Variants in PCDH15 observed in about 807,000 individuals in gnomAD.
The protein encoded by PCDH15 is protocadherin-15.
Under a neutral mutation model 178.5 loss-of-function variants are expected in PCDH15, and 129 were observed. The observed-to-expected ratio is 0.72, with a 90% CI of 0.63 to 0.84. PCDH15 has a LOEUF of 0.84. PCDH15 is among the 40% of genes least tolerant of loss of function. PCDH15 has a pLI of 0.00. For synonymous variants in PCDH15, 800 were observed against 732.0 expected (o/e 1.09, Z -1.50); for missense variants, 2,230 against 2,099.9 (o/e 1.06, Z -1.21).
intron 15 of PCDH15, among the ~76,000 whole-genome samples, chr10:54,094,255 C>T (rs1348028954): frequency 1.3e-5 from 2 of 152,192 alleles, no homozygotes; most frequent in African/African-American, 2.4e-5. Flanking sequence ...ATACAATTTA[C>T]ATGGTAGTGG....
At chr10:53,971,057 A>T (rs2089629861) in intron 21 of PCDH15, among the ~76,000 whole-genome samples, 1 of 152,180 alleles carries the variant, frequency 6.6e-6, no homozygotes, top group South Asian at 2.1e-4. Context: ...TGGAAAACCA[A>T]ATCCAGCAGC....
chr10:54,073,136 T>A (rs2094278137), intron 17 of PCDH15, among the ~76,000 whole-genome samples: 1 of 151,440 alleles, frequency 6.6e-6, no homozygotes, highest in Non-Finnish European at 1.5e-5. Context: ...TGTATGTGTG[T>A]ATGTATGTAT....
At chr10:54,295,721 A>G (rs891728776) in intron 8 of PCDH15, among the ~76,000 whole-genome samples, 7 of 152,216 alleles carry the variant, frequency 4.6e-5, no homozygotes, top group African/African-American at 1.7e-4. Flanking sequence ...AACAAATTCC[A>G]GACACATTTG....
intron 1 of PCDH15, among the ~76,000 whole-genome samples, chr10:54,795,864 A>G (rs1020754536): frequency 3.3e-5 from 5 of 151,942 alleles, no homozygotes; most frequent in African/African-American, 9.7e-5. Flanking sequence ...CTAAATAATT[A>G]TGTTGATGTC....
intron 2 of PCDH15, among the ~76,000 whole-genome samples, chr10:55,478,445 G>T (rs769395110): frequency 1.2e-4 from 18 of 151,550 alleles, no homozygotes; most frequent in Non-Finnish European, 2.2e-4. Flanking sequence ...TTCCTGAGAT[G>T]AATGAAAATG....
At chr10:54,000,915 GATAA>G (rs2092102370) in intron 20 of PCDH15, among the ~76,000 whole-genome samples, 1 of 152,032 alleles carries the variant, frequency 6.6e-6, no homozygotes, top group African/African-American at 2.4e-5. Context: ...AAAGGTCAAG[GATAA>G]ATAAAGGATC....
intron 25 of PCDH15, among the ~76,000 whole-genome samples, chr10:53,931,096 A>G (rs2085021245): frequency 6.6e-6 from 1 of 152,188 alleles, no homozygotes; most frequent in South Asian, 2.1e-4. Flanking sequence ...TGAAAAATCA[A>G]CACCTAATTT....
chr10:54,196,753 A>G (rs1234410066), intron 10 of PCDH15, among the ~76,000 whole-genome samples: 1 of 152,158 alleles, frequency 6.6e-6, no homozygotes, highest in Non-Finnish European at 1.5e-5. Flanking sequence ...TGGTGAGGGC[A>G]GAGCCCTCAT....
At chr10:54,399,080 C>T (rs372785496) in intron 3 of PCDH15, among the ~76,000 whole-genome samples, 1 of 152,012 alleles carries the variant, frequency 6.6e-6, no homozygotes, top group Non-Finnish European at 1.5e-5. Context: ...CTGATTTTCT[C>T]AACAACTCTC....
chr10:55,331,477 G>C (rs772960672), intron 2 of PCDH15, among the ~76,000 whole-genome samples: 13 of 151,974 alleles, frequency 8.6e-5, no homozygotes, highest in Non-Finnish European at 1.5e-4. Context: ...ATCTGTCCAA[G>C]AACCAAGATA....
intron 2 of PCDH15, among the ~76,000 whole-genome samples, chr10:54,897,807 C>A (rs776124912): frequency 6.6e-6 from 1 of 152,030 alleles, no homozygotes; most frequent in Non-Finnish European, 1.5e-5. Context: ...ATTTCACAAG[C>A]AATATGGAAA....
intron 9 of PCDH15, among the ~76,000 whole-genome samples, chr10:54,215,842 C>T (rs1010159704): frequency 1.3e-5 from 2 of 150,556 alleles, no homozygotes; most frequent in Admixed American, 6.6e-5. Flanking sequence ...GAGATCCAGA[C>T]CATCTTGCCT....
rs147236985 is a variant in PCDH15 at position 54,481,941 on chromosome 10, A to G, written c.157+45871T>C. On this transcript the variant is annotated intron_variant, in intron 3 of 37. Coordinates refer to ENST00000644397, the MANE Select transcript of PCDH15 (RefSeq NM_001384140.1). ...TCAGAGCTCCATCAAGTAAAATTCA[A>G]TGTTAATACAGAGGTAAGTGTTAAC... Among the ~76,000 whole-genome samples, 56 of 151,994 alleles carry G rather than the reference A, an allele frequency of 3.7e-4. 1 individual carries two copies. The East Asian group carries it at 7.7e-3, about 21-fold the overall frequency.
intron 12 of PCDH15, 44 bp downstream of exon 12, chr10:54,185,090 T>G (rs776913261): frequency 6.2e-7 from 1 of 1,600,644 alleles, no homozygotes; most frequent in Non-Finnish European, 8.6e-7. Flanking sequence ...CATACATACA[T>G]ACATTCATAC....
chr10:54,611,271 T>A (rs1229240030), intron 2 of PCDH15, among the ~76,000 whole-genome samples: 1 of 151,838 alleles, frequency 6.6e-6, no homozygotes, highest in Non-Finnish European at 1.5e-5. Context: ...TCAGTAATAT[T>A]GATGTTTTTA....
At chr10:54,135,523 G>A (rs2042832023) in intron 14 of PCDH15, among the ~76,000 whole-genome samples, 1 of 152,196 alleles carries the variant, frequency 6.6e-6, no homozygotes, top group African/African-American at 2.4e-5. Context: ...TCGTCATTCT[G>A]AGGTAGACCT....
chr10:55,060,425 T>C lies in PCDH15; in HGVS notation c.-80+106151A>G, dbSNP rs114902965. Among the ~76,000 whole-genome samples, 280 of 152,230 alleles carry C rather than the reference T, an allele frequency of 1.8e-3. 2 individuals are homozygous for C. Among genetic ancestry groups the C allele is most frequent in the African/African-American group, 6.4e-3 (268 of 41,576 alleles). On this transcript the variant is annotated intron_variant, in intron 2 of 5. Coordinates refer to the PCDH15 transcript ENST00000458638. Reference sequence around the variant, plus strand: ...TGCATAACCAAGTGCAATGCCTTAGTTTCCACATCTCTAAATTGAAAGGAA... The same window carrying C: ...TGCATAACCAAGTGCAATGCCTTAGCTTCCACATCTCTAAATTGAAAGGAA...
chr10:54,353,527 G>T (rs1456863497), intron 5 of PCDH15, among the ~76,000 whole-genome samples: 1 of 152,066 alleles, frequency 6.6e-6, no homozygotes, highest in Non-Finnish European at 1.5e-5. Context: ...TAATATCCCT[G>T]TACAGACTAT....
chr10:55,076,431 T>TG (rs1841888405), intron 2 of PCDH15, among the ~76,000 whole-genome samples: 1 of 108,804 alleles, frequency 9.2e-6, no homozygotes. Context: ...TCTTGCTGTG[T>TG]TTTTTTTTTT....
Sources: allele counts gnomAD v4.1 joint callset (sites outside exome capture counted in the v4.1 genomes callset), GRCh38; gene constraint gnomAD v4.1.1; transcripts MANE v1.5; gene names NCBI Gene and HGNC (gene_info 2026-07-23, HGNC 2026-07-21).